The following ZNF566 variants were observed in gnomAD, a reference collection of about 807,000 sequenced individuals.
The protein encoded by ZNF566 is zinc finger protein 566.
A neutral mutation model predicts 32.8 loss-of-function variants in ZNF566; 27 were observed. That is an observed-to-expected ratio of 0.82 (90% confidence interval 0.61 to 1.14). The LOEUF (loss-of-function observed/expected upper bound fraction) is 1.14. ZNF566 is among the 50% of genes most tolerant of loss of function. ZNF566 has a pLI of 0.00. For missense variants in ZNF566, 402 were observed against 490.4 expected (o/e 0.82, Z 1.70); for synonymous variants, 154 against 159.5 (o/e 0.97, Z 0.26).
At chr19:36,483,326 C>G (rs79548435) in intron 1 of ZNF566, among the ~76,000 whole-genome samples, 1 of 152,086 alleles carries the variant, frequency 6.6e-6, no homozygotes, top group Non-Finnish European at 1.5e-5. Context: ...CTCCACTGAC[C>G]AGAACCAGAG....
rs900668309 is a variant in ZNF566, at chr19:36,447,243, C to T, written c.*1734G>A. ...TGTTGGCCAGGCTGGTCTCAAGCTCCTGGCCTCAAATGATCCTTCCATCTC... is the reference window on the plus strand; with the variant it reads ...TGTTGGCCAGGCTGGTCTCAAGCTCTTGGCCTCAAATGATCCTTCCATCTC... On this transcript the variant is annotated 3_prime_UTR_variant, in exon 5 of 5. Coordinates refer to ENST00000452939, the MANE Select transcript of ZNF566 (RefSeq NM_001145344.1). 2.0e-5 allele frequency: 3 copies of T among 152,184 alleles called. No homozygotes were observed. Among genetic ancestry groups the T allele is most frequent in the African/African-American group, 7.2e-5 (3 of 41,432 alleles). The allele number at this position is 152,184 out of a possible 1,614,324, so 9.4% of individuals were successfully genotyped here.
chr19:36,459,624 C>T (rs2145655149), intron 4 of ZNF566, among the ~76,000 whole-genome samples: 1 of 152,078 alleles, frequency 6.6e-6, no homozygotes, highest in East Asian at 1.9e-4. Flanking sequence ...GATTCTCCTG[C>T]CTCAGCCTCC....
rs1346058347 is a variant in ZNF566 at position 36,449,973 on chromosome 19, T to C, written c.261A>G (p.Lys87=). The change falls in exon 5 of 5, where the codon AAA becomes AAG. Residue 87 remains lysine (K), a synonymous_variant. Transcript: ENST00000452939. The part of the protein sequence containing the change: ...PVLESRCETK[K]LFLKKEIYEI... Reference sequence around the variant, plus strand: ...CATAAATTTCTTTCTTCAGAAATAATTTCTTGGTCTCACATCTTGATTCCA... The same window carrying C: ...CATAAATTTCTTTCTTCAGAAATAACTTCTTGGTCTCACATCTTGATTCCA... The C allele has an allele frequency of 1.2e-6, 2 of 1,609,730 alleles. No homozygotes were observed. Among genetic ancestry groups the C allele is most frequent in the African/African-American group, 2.7e-5 (2 of 74,616 alleles).
At position 36,448,844 on chromosome 19, in the gene ZNF566, C is replaced by G. The variant is rs113597327; in HGVS notation, c.*133G>C. On this transcript the variant is annotated 3_prime_UTR_variant, in exon 5 of 5. Coordinates refer to ENST00000452939, the MANE Select transcript of ZNF566 (RefSeq NM_001145344.1). The stretch of plus-strand genomic sequence containing the variant: ...GAGTATTTCTCCAACATTATTTTTC[C>G]CAGGCTGAATAAGCTGTAGTCCACA... 1.2e-4 allele frequency: 89 copies of G among 767,150 alleles called. 1 individual carries two copies. The African/African-American group carries it at 1.4e-3, about 12-fold the overall frequency. The allele number at this position is 767,150 out of a possible 1,614,324, so 47.5% of individuals were successfully genotyped here. A position where few individuals can be genotyped will look rare whatever the true frequency, so the allele number is the denominator to read the frequency against.
rs2033002125 is a variant in ZNF566, at chr19:36,446,660, A to G, written c.*2317T>C. 6.6e-6 allele frequency: 1 copy of G among 152,242 alleles called. No individual in the cohort carries two copies. The allele number at this position is 152,242 out of a possible 1,614,324, so 9.4% of individuals were successfully genotyped here. The stretch of plus-strand genomic sequence containing the variant: ...CATAAGCACACAAGAAAAGAAAGTA[A>G]ACAAAATCTCATTTGGCAGTTTTCA... On this transcript the variant is annotated 3_prime_UTR_variant, in exon 5 of 5. Coordinates refer to ENST00000452939, the MANE Select transcript of ZNF566 (RefSeq NM_001145344.1).
At chr19:36,464,300 C>T (rs554600071) in intron 4 of ZNF566, among the ~76,000 whole-genome samples, 14 of 152,026 alleles carry the variant, frequency 9.2e-5, no homozygotes, top group African/African-American at 2.7e-4. Context: ...GAAGAATAGA[C>T]GGAGTTTTCA....
rs2033081433 is a variant in ZNF566 at position 36,449,364 on chromosome 19, C to T, written c.870G>A (p.Lys290=). 1.2e-6 allele frequency: 2 copies of T among 1,613,902 alleles called. No homozygotes were observed. The highest frequency in any genetic ancestry group is 1.7e-6 in the Non-Finnish European group (2 of 1,180,020). The change falls in exon 5 of 5, where the codon AAG becomes AAA. Residue 290 remains lysine, a synonymous_variant. Coordinates refer to ENST00000452939, the MANE Select transcript of ZNF566 (RefSeq NM_001145344.1). ...EKPYECKECG[K]AFSSGSNFTQ... ...TAAAGTTTGAGCCACTACTAAAGGC[C>T]TTCCCGCATTCTTTGCATTCATAAG...
At chr19:36,486,729 G>A (rs1267773585) in intron 1 of ZNF566, among the ~76,000 whole-genome samples, 3 of 149,308 alleles carry the variant, frequency 2.0e-5, no homozygotes, top group South Asian at 2.1e-4. Flanking sequence ...AAAAATTTAC[G>A]AAGGGGAAAA....
intron 4 of ZNF566, among the ~76,000 whole-genome samples, chr19:36,451,839 C>G (rs1375055128): frequency 6.6e-6 from 1 of 152,082 alleles, no homozygotes; most frequent in Non-Finnish European, 1.5e-5. Flanking sequence ...AACCCTATCT[C>G]TACTAAAAAT....
At chr19:36,487,329 C>T (rs565252945) in intron 1 of ZNF566, among the ~76,000 whole-genome samples, 9 of 152,150 alleles carry the variant, frequency 5.9e-5, no homozygotes, top group Admixed American at 2.0e-4. Context: ...AGCAATGCCA[C>T]TCCTAAGTAT....
rs994313562 is a variant in ZNF566 at position 36,461,858 on chromosome 19, C to T, written c.232+11053G>A. ...GTTATTTGGATTTGTCCTGTGTGTA[C>T]ACCACCCAATCCAATCTGAACTTAC... is the stretch of plus-strand genomic sequence containing the variant. On this transcript the variant is annotated intron_variant, in intron 4 of 4. Coordinates refer to ENST00000452939, the MANE Select transcript of ZNF566 (RefSeq NM_001145344.1). Among the ~76,000 whole-genome samples the T allele has an allele frequency of 4.6e-5, 7 of 152,140 alleles. No homozygotes were observed. The East Asian group carries it at 5.8e-4, about 13-fold the overall frequency.
At chr19:36,470,637 G>A (rs1448848016) in intron 4 of ZNF566, among the ~76,000 whole-genome samples, 4 of 152,162 alleles carry the variant, frequency 2.6e-5, no homozygotes, top group East Asian at 1.9e-4. Flanking sequence ...AAGGACAGGC[G>A]CAGTGGCTCA....
chr19:36,473,781 C>T (rs1413588398), intron 2 of ZNF566, among the ~76,000 whole-genome samples: 6 of 152,158 alleles, frequency 3.9e-5, no homozygotes, highest in Non-Finnish European at 8.8e-5. Flanking sequence ...CTATACCTGT[C>T]ATATAATAAA....
rs767741591 is a variant in ZNF566 at position 36,477,526 on chromosome 19, G to GTTTTTTTTTTTTTTTTTTT, written c.-59-911_-59-910insAAAAAAAAAAAAAAAAAAA. Among the ~76,000 whole-genome samples the GTTTTTTTTTTTTTTTTTTT allele has an allele frequency of 2.1e-4, 22 of 107,020 alleles. 3 individuals carry two copies. Among genetic ancestry groups the GTTTTTTTTTTTTTTTTTTT allele is most frequent in the Middle Eastern group, 5.3e-3 (1 of 190 alleles). 70.2% of individuals were successfully genotyped at this position (107,020 alleles called of 152,430 possible). ...TGGGTCAAACCAGTTTTCTGTTTCT[G>GTTTTTTTTTTTTTTTTTTT]TTTTTTTTTTGTTTGTTTGTTTGTT... On this transcript the variant is annotated intron_variant, in intron 1 of 4. Coordinates refer to ENST00000452939, the MANE Select transcript of ZNF566 (RefSeq NM_001145344.1).
At chr19:36,475,056 T>C (rs1472338816) in intron 2 of ZNF566, among the ~76,000 whole-genome samples, 1 of 152,156 alleles carries the variant, frequency 6.6e-6, no homozygotes, top group Non-Finnish European at 1.5e-5. Context: ...ATCATTGCTT[T>C]TGTTTTTTAA....
At chr19:36,478,616 TA>T (rs10541227) in intron 1 of ZNF566, among the ~76,000 whole-genome samples, 14,630 of 140,490 alleles carry the variant, frequency 0.1, 744 homozygotes, top group African/African-American at 0.15. Flanking sequence ...CTCATTAATG[TA>T]AAAAAAAAAA....
intron 1 of ZNF566, among the ~76,000 whole-genome samples, chr19:36,477,526 G>GGTTTT (rs2033919341): frequency 1.7e-4 from 18 of 107,000 alleles, no homozygotes; most frequent in African/African-American, 5.0e-4. Context: ...TTCTGTTTCT[G>GGTTTT]TTTTTTTTTT....
At chr19:36,484,791 G>A (rs533773311) in intron 1 of ZNF566, among the ~76,000 whole-genome samples, 10 of 151,926 alleles carry the variant, frequency 6.6e-5, no homozygotes, top group East Asian at 5.8e-4. Context: ...GGGTTTCACC[G>A]TGTTAGCCAG....
intron 3 of ZNF566, 146 bp from the exon 4 acceptor site, chr19:36,473,152 TA>T: frequency 2.8e-6 from 3 of 1,054,744 alleles, no homozygotes; most frequent in Non-Finnish European, 2.8e-6. Context: ...ACGGAAGATG[TA>T]AAACATCCCC....
Sources: allele counts gnomAD v4.1 joint callset (sites outside exome capture counted in the v4.1 genomes callset), GRCh38; gene constraint gnomAD v4.1.1; transcripts MANE v1.5; gene names NCBI Gene and HGNC (gene_info 2026-07-23, HGNC 2026-07-21).